The following GABRB3 variants were observed in gnomAD, a reference collection of about 807,000 sequenced individuals.
GABRB3 encodes the protein gamma-aminobutyric acid receptor subunit beta-3.
GABRB3 carries 14 observed loss-of-function variants against 52.1 expected under a neutral mutation model. That is an observed-to-expected ratio of 0.27 (90% confidence interval 0.18 to 0.42). The LOEUF is 0.42. Ranked by LOEUF, GABRB3 falls within the 10% of genes least tolerant of loss-of-function variation. The pLI, the probability that GABRB3 is intolerant of heterozygous loss-of-function variation, is 1.00. For synonymous variants in GABRB3, 260 were observed against 232.3 expected (o/e 1.12, Z -1.08); for missense variants, 307 against 609.1 (o/e 0.50, Z 5.22).
intron 3 of GABRB3, among the ~76,000 whole-genome samples, chr15:26,725,755 T>C (rs1304275216): frequency 6.6e-6 from 1 of 152,236 alleles, no homozygotes; most frequent in Non-Finnish European, 1.5e-5. Context: ...ATGAAATTCA[T>C]TTATGTTTCA....
At chr15:26,638,031 T>C (rs1289095355) in intron 3 of GABRB3, among the ~76,000 whole-genome samples, 1 of 152,196 alleles carries the variant, frequency 6.6e-6, no homozygotes, top group African/African-American at 2.4e-5. Flanking sequence ...TATTTTCTTA[T>C]GAATTAAGTG....
intron 3 of GABRB3, among the ~76,000 whole-genome samples, chr15:26,751,958 A>G (rs8024864): frequency 0.084 from 12,722 of 152,244 alleles, 742 homozygotes; most frequent in East Asian, 0.29. Context: ...AAAAATATAA[A>G]TGTATCTGAG....
intron 3 of GABRB3, among the ~76,000 whole-genome samples, chr15:26,695,204 C>G (rs1415384655): frequency 6.6e-6 from 1 of 152,000 alleles, no homozygotes; most frequent in Non-Finnish European, 1.5e-5. Context: ...AAAAAATGTA[C>G]ACTTAGGCAT....
At chr15:26,593,196 T>C (rs1891269348) in intron 4 of GABRB3, among the ~76,000 whole-genome samples, 1 of 152,020 alleles carries the variant, frequency 6.6e-6, no homozygotes, top group African/African-American at 2.4e-5. Context: ...GAGGAGATGA[T>C]AGATACTGAG....
chr15:26,607,567 G>A (rs1891883425), intron 4 of GABRB3, among the ~76,000 whole-genome samples: 1 of 148,108 alleles, frequency 6.8e-6, no homozygotes, highest in Admixed American at 6.9e-5. Flanking sequence ...GGGAGACCCT[G>A]TCTAAAAAAA....
chr15:26,630,281 C>T (rs1304376768), intron 3 of GABRB3, among the ~76,000 whole-genome samples: 1 of 152,182 alleles, frequency 6.6e-6, no homozygotes, highest in Non-Finnish European at 1.5e-5. Flanking sequence ...CTGCCAGCAC[C>T]TCTGGTTATA....
At chr15:26,711,321 G>A (rs1283878149) in intron 3 of GABRB3, among the ~76,000 whole-genome samples, 1 of 152,156 alleles carries the variant, frequency 6.6e-6, no homozygotes, top group Non-Finnish European at 1.5e-5. Context: ...CAATAAGTTT[G>A]ATTCCCGGGT....
At chr15:26,590,918 C>T (rs1037508843) in intron 4 of GABRB3, among the ~76,000 whole-genome samples, 1 of 152,190 alleles carries the variant, frequency 6.6e-6, no homozygotes, top group Non-Finnish European at 1.5e-5. Flanking sequence ...GAAGTGACCA[C>T]GTGCCAGCCC....
intron 3 of GABRB3, among the ~76,000 whole-genome samples, chr15:26,671,591 G>A (rs1360137636): frequency 6.6e-6 from 1 of 152,202 alleles, no homozygotes; most frequent in Non-Finnish European, 1.5e-5. Context: ...CTTTATAAAT[G>A]CTGGGGGTGC....
chr15:26,704,792 C>T (rs1158160623), intron 3 of GABRB3, among the ~76,000 whole-genome samples: 5 of 152,150 alleles, frequency 3.3e-5, no homozygotes, highest in Non-Finnish European at 5.9e-5. Context: ...ATACCTTGTT[C>T]CTCATTTCCC....
intron 3 of GABRB3, among the ~76,000 whole-genome samples, chr15:26,734,771 C>T (rs900616261): frequency 8.5e-5 from 13 of 152,108 alleles, no homozygotes; most frequent in African/African-American, 3.1e-4. Flanking sequence ...GACCCCATCT[C>T]TAAAAAATTT....
At chr15:26,641,893 C>CTT (rs1052165668) in intron 3 of GABRB3, among the ~76,000 whole-genome samples, 2 of 144,806 alleles carry the variant, frequency 1.4e-5, no homozygotes. Flanking sequence ...TCTTCTCTTT[C>CTT]TTTTTTTTTT....
intron 4 of GABRB3, among the ~76,000 whole-genome samples, chr15:26,611,294 A>C: frequency 6.6e-6 from 1 of 152,180 alleles, no homozygotes; most frequent in East Asian, 1.9e-4. Context: ...TGTTCATTGG[A>C]TGTCTGGGTC....
At chr15:26,560,878 C>G in intron 8 of GABRB3, 54 bp downstream of exon 8, 1 of 1,610,916 alleles carries the variant, frequency 6.2e-7, no homozygotes, top group Non-Finnish European at 8.5e-7. Context: ...CAAGTAAATG[C>G]AGTAGCTGCT....
At chr15:26,567,469 GCTT>G (rs1890221765) in intron 7 of GABRB3, 109 bp downstream of exon 7, 14 of 983,188 alleles carry the variant, frequency 1.4e-5, no homozygotes, top group Non-Finnish European at 2.2e-5. Context: ...TACAGGCAAT[GCTT>G]GTGTCACGCT....
chr15:26,724,667 T>G (rs887234490), intron 3 of GABRB3, among the ~76,000 whole-genome samples: 2 of 152,210 alleles, frequency 1.3e-5, no homozygotes, highest in Non-Finnish European at 2.9e-5. Flanking sequence ...CACCCTCAGA[T>G]GATAACACCA....
intron 3 of GABRB3, among the ~76,000 whole-genome samples, chr15:26,683,073 C>G (rs562361437): frequency 6.7e-6 from 1 of 150,308 alleles, no homozygotes; most frequent in African/African-American, 2.4e-5. Flanking sequence ...AAAACAGACT[C>G]CCCAGGCCAG....
intron 4 of GABRB3, among the ~76,000 whole-genome samples, chr15:26,596,421 G>A (rs1469633543): frequency 6.6e-6 from 1 of 152,074 alleles, no homozygotes; most frequent in Non-Finnish European, 1.5e-5. Context: ...CCTGGCTAAT[G>A]CAAGCAGAAA....
rs769311804 is a variant in GABRB3, at chr15:26,547,952, G to C, written c.1263C>G (p.Leu421=). ...TCCGTAGATGGGTCTTCTTGTGCGG[G>C]AGGCTTCTGTCCCCCAGGAATCGCC... ...GHGRFLGDRS[L]PHKKTHLRRR... is the part of the protein sequence containing the mutation. The change falls in exon 9 of 9, where the codon CTC becomes CTG. Residue 421 remains leucine (L), a synonymous_variant. Coordinates refer to ENST00000311550, the MANE Select transcript of GABRB3 (RefSeq NM_000814.6). The C allele has an allele frequency of 1.2e-6, 2 of 1,614,216 alleles. No individual in the cohort carries two copies. Among genetic ancestry groups the C allele is most frequent in the Non-Finnish European group, 1.7e-6 (2 of 1,180,046 alleles).
Sources: allele counts gnomAD v4.1 joint callset (sites outside exome capture counted in the v4.1 genomes callset), GRCh38; gene constraint gnomAD v4.1.1; transcripts MANE v1.5; gene names NCBI Gene and HGNC (gene_info 2026-07-23, HGNC 2026-07-21).